Variants in ZDHHC21 observed in about 807,000 individuals in gnomAD.
The protein encoded by ZDHHC21 is palmitoyltransferase ZDHHC21.
In ZDHHC21, 15 loss-of-function variants were observed where a neutral mutation model predicts 34.6. The observed-to-expected ratio is 0.43, with a 90% confidence interval of 0.29 to 0.67. The LOEUF (loss-of-function observed/expected upper bound fraction) is 0.67. ZDHHC21 is among the 30% of genes least tolerant of loss of function. The pLI, the probability that ZDHHC21 is intolerant of heterozygous loss-of-function variation, is 0.14. For synonymous variants in ZDHHC21, 142 were observed against 101.8 expected, an observed-to-expected ratio of 1.40 and a Z score of -2.38; for missense variants, 344 against 327.7, an observed-to-expected ratio of 1.05 and a Z score of -0.38.
In ZDHHC21 at chr9:14,662,339, A is replaced by T. The variant is rs1490532016; in HGVS notation, c.254-13T>A. The T allele has an allele frequency of 1.9e-6, 3 of 1,590,400 alleles. No individual in the cohort carries two copies. The highest frequency in any genetic ancestry group is 2.6e-6 in the Non-Finnish European group (3 of 1,168,226). On this transcript the variant is annotated splice_polypyrimidine_tract_variant and intron_variant, in intron 5 of 9. Coordinates refer to ENST00000380916, the MANE Select transcript of ZDHHC21 (RefSeq NM_178566.6). ...CAGAACTCCCTTTCTAAAGAAAAGA[A>T]ATTAAAATCCATTTAATGAAGGCAA...
chr9:14,681,919 A>T (rs1164690892), intron 2 of ZDHHC21, among the ~76,000 whole-genome samples: 1 of 152,172 alleles, frequency 6.6e-6, no homozygotes, highest in Non-Finnish European at 1.5e-5. Context: ...TTCAACCCAG[A>T]ATTTCATATC....
chr9:14,626,725 T>C (rs1490321968), intron 8 of ZDHHC21, among the ~76,000 whole-genome samples: 2 of 151,996 alleles, frequency 1.3e-5, no homozygotes, highest in Non-Finnish European at 2.9e-5. Flanking sequence ...AGGGGGAACC[T>C]AGTTTTTTAT....
chr9:14,637,264 G>A (rs754008928), intron 8 of ZDHHC21, among the ~76,000 whole-genome samples: 5 of 151,862 alleles, frequency 3.3e-5, no homozygotes, highest in African/African-American at 4.8e-5. Flanking sequence ...AGATTATTAT[G>A]AACAACTATA....
Position 14,615,119 on chromosome 9 carries a change from G to T in ZDHHC21, c.*3847C>A, listed in dbSNP as rs949211215. ...TGTGAAAACACTCAAACTACCCCATGATCTAACACACAGAAAATTGTGTAG... is the reference window on the plus strand; with the variant it reads ...TGTGAAAACACTCAAACTACCCCATTATCTAACACACAGAAAATTGTGTAG... On this transcript the variant is annotated 3_prime_UTR_variant, in exon 10 of 10. Transcript: ENST00000380916. 1 of 151,640 alleles carries T rather than the reference G, an allele frequency of 6.6e-6. No individual in the cohort carries two copies. Among genetic ancestry groups the T allele is most frequent in the Non-Finnish European group, 1.5e-5 (1 of 67,662 alleles). The allele number at this position is 151,640 out of a possible 1,614,324, so 9.4% of individuals were successfully genotyped here. A position where few individuals can be genotyped will look rare whatever the true frequency, so the allele number is the denominator to read the frequency against.
rs1463786772 is a variant in ZDHHC21 at position 14,617,172 on chromosome 9, C to G, written c.*1794G>C. ...GTGGCCAAATTAGCTTGCACAAAAT[C>G]CAAACCCTTGTGCCTGACATGAACA... On this transcript the variant is annotated 3_prime_UTR_variant, in exon 10 of 10. Transcript: ENST00000380916. The G allele has an allele frequency of 2.6e-5, 4 of 151,936 alleles. No homozygotes were observed. Among genetic ancestry groups the G allele is most frequent in the Admixed American group, 2.6e-4 (4 of 15,212 alleles). 9.4% of individuals were successfully genotyped at this position (151,936 alleles called of 1,614,324 possible). A position where few individuals can be genotyped will look rare whatever the true frequency, so the allele number is the denominator to read the frequency against.
chr9:14,603,244 T>C, the ZDHHC21 span, among the ~76,000 whole-genome samples: 1 of 152,066 alleles, frequency 6.6e-6, no homozygotes, highest in African/African-American at 2.4e-5. Flanking sequence ...AAATAATGTA[T>C]TAAACTCCAA....
chr9:14,600,877 T>A, the ZDHHC21 span, among the ~76,000 whole-genome samples: 2 of 152,056 alleles, frequency 1.3e-5, no homozygotes, highest in African/African-American at 2.4e-5. Context: ...CTTTGACAAA[T>A]ATGACAAAAA....
intron 6 of ZDHHC21, among the ~76,000 whole-genome samples, chr9:14,661,661 T>C (rs1446472924): frequency 6.6e-6 from 1 of 152,196 alleles, no homozygotes. Context: ...GAGCCCCCTA[T>C]TGACCAAAAC....
At chr9:14,597,760 G>A in the ZDHHC21 span, among the ~76,000 whole-genome samples, 4 of 152,064 alleles carry the variant, frequency 2.6e-5, no homozygotes, top group Non-Finnish European at 4.4e-5. Flanking sequence ...GCCACACACA[G>A]CAACACGAGC....
intron 3 of ZDHHC21, among the ~76,000 whole-genome samples, chr9:14,678,953 G>T (rs1287311644): frequency 6.6e-6 from 1 of 151,974 alleles, no homozygotes; most frequent in South Asian, 2.1e-4. Flanking sequence ...GAGTGGAGAG[G>T]GAACAGACCG....
Position 14,613,243 on chromosome 9 carries a change from C to G in ZDHHC21, c.*5723G>C, listed in dbSNP as rs1429309520. The G allele has an allele frequency of 6.6e-6, 1 of 151,780 alleles. No individual in the cohort carries two copies. Among genetic ancestry groups the G allele is most frequent in the African/African-American group, 2.4e-5 (1 of 41,368 alleles). The allele number at this position is 151,780 out of a possible 1,614,324, so 9.4% of individuals were successfully genotyped here. On this transcript the variant is annotated 3_prime_UTR_variant, in exon 10 of 10. Transcript: ENST00000380916. ...AAACTGTTCTTAGTAACATTAAATT[C>G]TACTTTATAAATACACAACGATGTG...
intron 7 of ZDHHC21, among the ~76,000 whole-genome samples, chr9:14,655,024 G>GA (rs1308052365): frequency 6.6e-6 from 1 of 151,856 alleles, no homozygotes; most frequent in Non-Finnish European, 1.5e-5. Flanking sequence ...CTCTCCAACA[G>GA]AAAAAAGTGC....
chr9:14,658,397 C>T lies in ZDHHC21; in HGVS notation c.504+352G>A, dbSNP rs572435360. ...GTTGTTTTGTTTCCAATCTTTTGTA[C>T]TTAAAGGAACCACATGTTAATAATT... On this transcript the variant is annotated intron_variant, in intron 7 of 9. Coordinates refer to ENST00000380916, the MANE Select transcript of ZDHHC21 (RefSeq NM_178566.6). 5.7e-5 allele frequency among the ~76,000 whole-genome samples: 8 copies of T among 139,314 alleles called. No individual in the cohort carries two copies. The South Asian group carries it at 1.8e-3, about 31-fold the overall frequency. 91.4% of individuals were successfully genotyped at this position (139,314 alleles called of 152,430 possible). A position where few individuals can be genotyped will look rare whatever the true frequency, so the allele number is the denominator to read the frequency against.
In ZDHHC21 at chr9:14,682,128, T is replaced by A. The variant is rs532813835; in HGVS notation, c.-175-1966A>T. ...CCACAGATGCTAGGAAGAAACTGCATCAACTAACAAGCAAAATAACCAGCT... is the reference window on the plus strand; with the variant it reads ...CCACAGATGCTAGGAAGAAACTGCAACAACTAACAAGCAAAATAACCAGCT... On this transcript the variant is annotated intron_variant, in intron 2 of 9. Coordinates refer to ENST00000380916, the MANE Select transcript of ZDHHC21 (RefSeq NM_178566.6). Among the ~76,000 whole-genome samples, 28 of 152,188 alleles carry A rather than the reference T, an allele frequency of 1.8e-4. 1 individual carries two copies. In the South Asian group the frequency reaches 5.8e-3, roughly 32 times the overall value.
intron 3 of ZDHHC21, among the ~76,000 whole-genome samples, chr9:14,679,011 A>T (rs1295712832): frequency 6.6e-6 from 1 of 152,078 alleles, no homozygotes; most frequent in African/African-American, 2.4e-5. Flanking sequence ...GACCAGGAAG[A>T]GGCATGAGGG....
rs965594090 is a variant in ZDHHC21, at chr9:14,612,393, C to T, written c.*6573G>A. The T allele has an allele frequency of 6.6e-6, 1 of 151,930 alleles. No individual in the cohort carries two copies. Among genetic ancestry groups the T allele is most frequent in the East Asian group, 1.9e-4 (1 of 5,186 alleles). 9.4% of individuals were successfully genotyped at this position (151,930 alleles called of 1,614,324 possible). ...CATTTTAGCTGCAGTTGTAAGGACA[C>T]TGAGTGTTTTGAGAATTTTAAAGGG... On this transcript the variant is annotated 3_prime_UTR_variant, in exon 10 of 10. Coordinates refer to ENST00000380916, the MANE Select transcript of ZDHHC21 (RefSeq NM_178566.6).
rs1414266759 is a variant in ZDHHC21 at position 14,615,531 on chromosome 9, C to T, written c.*3435G>A. ...AAGCACAAATATTTGTAATACAACT[C>T]TTAAGCAAAATAGTATTTTTATTAT... On this transcript the variant is annotated 3_prime_UTR_variant, in exon 10 of 10. Coordinates refer to ENST00000380916, the MANE Select transcript of ZDHHC21 (RefSeq NM_178566.6). 3 of 151,656 alleles carry T rather than the reference C, an allele frequency of 2.0e-5. No individual in the cohort carries two copies. The highest frequency in any genetic ancestry group is 6.6e-5 in the Admixed American group (1 of 15,178). The allele number at this position is 151,656 out of a possible 1,614,324, so 9.4% of individuals were successfully genotyped here. A position where few individuals can be genotyped will look rare whatever the true frequency, so the allele number is the denominator to read the frequency against.
chr9:14,688,091 G>C (rs947746650), intron 2 of ZDHHC21, among the ~76,000 whole-genome samples: 1 of 148,196 alleles, frequency 6.7e-6, no homozygotes, highest in South Asian at 2.1e-4. Flanking sequence ...ATATCACATA[G>C]ATATTCAGTT....
chr9:14,597,944 G>C, the ZDHHC21 span, among the ~76,000 whole-genome samples: 1 of 151,936 alleles, frequency 6.6e-6, no homozygotes, highest in Non-Finnish European at 1.5e-5. Context: ...ACAACTGAGG[G>C]GCCAGAGAAC....
Sources: allele counts gnomAD v4.1 joint callset (sites outside exome capture counted in the v4.1 genomes callset), GRCh38; gene constraint gnomAD v4.1.1; transcripts MANE v1.5; gene names NCBI Gene and HGNC (gene_info 2026-07-23, HGNC 2026-07-21).